Variants in MLLT3 observed in about 807,000 individuals in gnomAD.
MLLT3 encodes MLLT3 super elongation complex subunit.
In MLLT3, 4 loss-of-function variants were observed where a neutral mutation model predicts 53.2. The observed-to-expected ratio is 0.08, with a 90% CI of 0.04 to 0.17. The LOEUF (loss-of-function observed/expected upper bound fraction) is 0.17. Ranked by LOEUF, MLLT3 falls within the 10% of genes least tolerant of loss-of-function variation. MLLT3 has a pLI of 1.00. For missense variants in MLLT3, 569 were observed against 684.0 expected (o/e 0.83, Z 1.87); for synonymous variants, 283 against 230.6 (o/e 1.23, Z -2.06).
chr9:20,455,896 G>A (rs2118860027), intron 3 of MLLT3, among the ~76,000 whole-genome samples: 1 of 145,890 alleles, frequency 6.9e-6, no homozygotes, highest in East Asian at 2.0e-4. Flanking sequence ...TATACAGTCT[G>A]TGTGTTATGC....
intron 4 of MLLT3, among the ~76,000 whole-genome samples, chr9:20,437,114 T>C (rs1239689340): frequency 2.0e-5 from 3 of 152,166 alleles, no homozygotes; most frequent in Admixed American, 1.3e-4. Context: ...CTGTATCCAT[T>C]GCATTAAAAA....
intron 2 of MLLT3, among the ~76,000 whole-genome samples, chr9:20,554,085 G>A (rs147306529): frequency 5.4e-4 from 82 of 152,138 alleles, no homozygotes; most frequent in African/African-American, 4.8e-5. Context: ...TCCAAATACT[G>A]TTTGTTCAAA....
chr9:20,372,258 G>C (rs985499317), intron 5 of MLLT3, among the ~76,000 whole-genome samples: 1 of 152,152 alleles, frequency 6.6e-6, no homozygotes, highest in East Asian at 1.9e-4. Flanking sequence ...AAATTTAGTC[G>C]ATAAAGCAGT....
At chr9:20,406,924 G>C (rs1014256872) in intron 5 of MLLT3, among the ~76,000 whole-genome samples, 7 of 152,208 alleles carry the variant, frequency 4.6e-5, no homozygotes, top group African/African-American at 1.7e-4. Context: ...AAGCTGCTTA[G>C]GGGTGATTTT....
intron 2 of MLLT3, among the ~76,000 whole-genome samples, chr9:20,528,652 C>G (rs944761037): frequency 1.3e-5 from 2 of 152,222 alleles, no homozygotes; most frequent in African/African-American, 4.8e-5. Context: ...TCCATCTTCA[C>G]AGTGCCTTCG....
chr9:20,364,999 T>C (rs1821414970), intron 6 of MLLT3, among the ~76,000 whole-genome samples: 1 of 152,212 alleles, frequency 6.6e-6, no homozygotes, highest in South Asian at 2.1e-4. Flanking sequence ...CCAATTAGTA[T>C]TGCCTTAAAG....
rs1220382021 is a variant in MLLT3 at position 20,414,371 on chromosome 9, T to C, written c.475A>G (p.Ser159Gly). 1 of 1,603,398 alleles carries C rather than the reference T, an allele frequency of 6.2e-7. No individual in the cohort carries two copies. Among genetic ancestry groups the C allele is most frequent in the Non-Finnish European group, 8.5e-7 (1 of 1,176,670 alleles). ...SSSSSSSSSS[S>G]SSSSSSSSSS... ...CTGCTGCTGCTGCTGCTGCTGCTGCTGCTGCTACTGCTGCTGCTGCTGCTG... is the reference window on the plus strand; with the variant it reads ...CTGCTGCTGCTGCTGCTGCTGCTGCCGCTGCTACTGCTGCTGCTGCTGCTG... Residue 159 changes from serine (S) to glycine (G), a missense_variant, in exon 5 of 11, where the codon AGC becomes GGC. Ser to Gly is a moderately conservative substitution (Grantham distance 56). Coordinates refer to ENST00000380338, the MANE Select transcript of MLLT3 (RefSeq NM_004529.4).
chr9:20,438,449 T>A (rs1404693450), intron 4 of MLLT3, among the ~76,000 whole-genome samples: 1 of 152,124 alleles, frequency 6.6e-6, no homozygotes, highest in African/African-American at 2.4e-5. Flanking sequence ...TCTTGCTCTG[T>A]CACCAAGGCT....
intron 4 of MLLT3, among the ~76,000 whole-genome samples, chr9:20,436,964 G>A (rs1449066839): frequency 6.6e-6 from 1 of 151,908 alleles, no homozygotes; most frequent in Non-Finnish European, 1.5e-5. Flanking sequence ...CTGGTAGATG[G>A]TACCAACACC....
chr9:20,414,345 ACTGCTG>A lies in MLLT3; in HGVS notation c.495_500del (p.Ser189_Ser190del), dbSNP rs749239229. The A allele has an allele frequency of 2.5e-5, 37 of 1,493,450 alleles. 1 individual carries two copies. In the East Asian group the frequency reaches 2.8e-4, roughly 11 times the overall value. 92.5% of individuals were successfully genotyped at this position (1,493,450 alleles called of 1,614,324 possible). A position where few individuals can be genotyped will look rare whatever the true frequency, so the allele number is the denominator to read the frequency against. On this transcript the variant is annotated inframe_deletion, in exon 5 of 11. Coordinates refer to ENST00000380338, the MANE Select transcript of MLLT3 (RefSeq NM_004529.4). Reference sequence around the variant, plus strand: ...TGCTGCTGCTGCTGCTGCTGCTGCTACTGCTGCTGCTGCTGCTGCTGCTGCTGCTGC... The same window carrying A: ...TGCTGCTGCTGCTGCTGCTGCTGCTACTGCTGCTGCTGCTGCTGCTGCTGC...
intron 2 of MLLT3, among the ~76,000 whole-genome samples, chr9:20,550,523 C>A (rs953069744): frequency 4.0e-5 from 6 of 151,840 alleles, no homozygotes; most frequent in Admixed American, 6.6e-5. Context: ...CTCGGCCTCC[C>A]AGACTCAAGT....
chr9:20,404,212 C>T (rs778107031), intron 5 of MLLT3, among the ~76,000 whole-genome samples: 2 of 152,172 alleles, frequency 1.3e-5, no homozygotes, highest in African/African-American at 2.4e-5. Context: ...TAGGAAATGA[C>T]GTTTTAGAAA....
At chr9:20,427,405 A>G (rs1823164120) in intron 4 of MLLT3, among the ~76,000 whole-genome samples, 1 of 152,078 alleles carries the variant, frequency 6.6e-6, no homozygotes. Context: ...GAAGATAAAT[A>G]TGAATAAACT....
chr9:20,419,469 A>T (rs185045906), intron 4 of MLLT3, among the ~76,000 whole-genome samples: 68 of 151,990 alleles, frequency 4.5e-4, no homozygotes, highest in African/African-American at 1.4e-3. Context: ...ATGGAAAAAA[A>T]TTTTCATAAA....
At chr9:20,540,288 C>T (rs1818595565) in intron 2 of MLLT3, among the ~76,000 whole-genome samples, 1 of 152,210 alleles carries the variant, frequency 6.6e-6, no homozygotes, top group South Asian at 2.1e-4. Context: ...GGCAGTGCCC[C>T]AGTGGGGATT....
At chr9:20,534,526 G>T (rs115735354) in intron 2 of MLLT3, among the ~76,000 whole-genome samples, 2,138 of 152,238 alleles carry the variant, frequency 0.014, 47 homozygotes, top group African/African-American at 0.046. Context: ...GTCCTCCTTG[G>T]ATGAACAGAA....
intron 2 of MLLT3, among the ~76,000 whole-genome samples, chr9:20,559,902 T>C (rs1295811805): frequency 2.6e-5 from 4 of 152,192 alleles, no homozygotes; most frequent in Non-Finnish European, 4.4e-5. Context: ...CAAGTGACTA[T>C]GTTCTTAACC....
chr9:20,483,044 T>C (rs1368643896), intron 2 of MLLT3, among the ~76,000 whole-genome samples: 1 of 152,014 alleles, frequency 6.6e-6, no homozygotes, highest in Non-Finnish European at 1.5e-5. Context: ...CAAGTGATTC[T>C]GGCTTCTCCA....
At chr9:20,601,716 CT>C (rs5896906) in intron 2 of MLLT3, among the ~76,000 whole-genome samples, 3 of 151,918 alleles carry the variant, frequency 2.0e-5, no homozygotes, top group African/African-American at 4.8e-5. Context: ...TAAACCCTTT[CT>C]TTTTTTGTTC....
Sources: gnomAD v4.1 joint callset for allele counts (sites outside exome capture counted in the v4.1 genomes callset) on GRCh38, gnomAD v4.1.1 for gene constraint, MANE v1.5 for transcripts, NCBI Gene and HGNC (gene_info 2026-07-23, HGNC 2026-07-21) for gene names.